The following WWOX variants were observed in gnomAD, a reference collection of about 807,000 sequenced individuals.
WWOX encodes WW domain-containing oxidoreductase.
Under a neutral mutation model 46.2 loss-of-function variants are expected in WWOX, and 69 were observed. That is an observed-to-expected ratio of 1.49 (90% CI 1.23 to 1.82). The LOEUF (loss-of-function observed/expected upper bound fraction) is 1.82, where lower values mean the gene tolerates loss of function less well. WWOX is among the 40% of genes most tolerant of loss of function. The probability of loss-of-function intolerance (pLI) is 0.00; values close to 1 mark genes in which losing one functional copy is unlikely to be tolerated. For synonymous variants in WWOX, 359 were observed against 202.6 expected (o/e 1.77, Z -6.56); for missense variants, 919 against 542.6 (o/e 1.69, Z -6.89).
In WWOX at chr16:78,550,364, G is replaced by A. The variant is rs548270879; in HGVS notation, c.1056+117612G>A. 2.7e-4 allele frequency among the ~76,000 whole-genome samples: 41 copies of A among 152,286 alleles called. 1 individual carries two copies. The highest frequency in any genetic ancestry group is 9.6e-4 in the African/African-American group (40 of 41,574). ...CCTATCACAACTACTAAGCTATCAT[G>A]CATTAGTGAAAGCACATAGATAATC... On this transcript the variant is annotated intron_variant, in intron 8 of 8. Transcript: ENST00000566780.
At chr16:78,738,389 T>G (rs1276097624) in intron 8 of WWOX, among the ~76,000 whole-genome samples, 2 of 152,184 alleles carry the variant, frequency 1.3e-5, no homozygotes, top group African/African-American at 4.8e-5. Flanking sequence ...CATTTGAAGA[T>G]TCTCCCTGTG....
At chr16:78,412,324 A>G (rs2151950725) in intron 6 of WWOX, among the ~76,000 whole-genome samples, 1 of 152,282 alleles carries the variant, frequency 6.6e-6, no homozygotes, top group Middle Eastern at 3.4e-3. Flanking sequence ...GTTTAGATTT[A>G]GGCATGTTGA....
At chr16:78,278,735 A>G (rs2079625553) in intron 5 of WWOX, 2 of 1,357,424 alleles carry the variant, frequency 1.5e-6, no homozygotes, top group African/African-American at 1.5e-5. Flanking sequence ...TGGTCTTTTC[A>G]TGTTTTGACT....
chr16:78,424,615 C>A (rs1170465160), intron 6 of WWOX, among the ~76,000 whole-genome samples: 1 of 152,164 alleles, frequency 6.6e-6, no homozygotes, highest in African/African-American at 2.4e-5. Flanking sequence ...ACTGAAAGTT[C>A]CGTATCCTAA....
intron 4 of WWOX, among the ~76,000 whole-genome samples, chr16:78,140,552 A>G (rs2151706812): frequency 6.6e-6 from 1 of 152,178 alleles, no homozygotes; most frequent in Admixed American, 6.5e-5. Context: ...TGGTAGCCCT[A>G]GATGTTCATT....
intron 8 of WWOX, among the ~76,000 whole-genome samples, chr16:78,561,024 A>AG (rs1374493553): frequency 6.6e-5 from 10 of 152,208 alleles, no homozygotes; most frequent in African/African-American, 2.4e-4. Context: ...TGTCCGCTGG[A>AG]GGAACATCCT....
chr16:78,947,706 C>A (rs1372607015), intron 8 of WWOX, among the ~76,000 whole-genome samples: 1 of 152,130 alleles, frequency 6.6e-6, no homozygotes, highest in Non-Finnish European at 1.5e-5. Flanking sequence ...TCACTTAGCC[C>A]CTTCAGAAAA....
chr16:78,749,489 A>G (rs188994412), intron 8 of WWOX, among the ~76,000 whole-genome samples: 1 of 152,334 alleles, frequency 6.6e-6, no homozygotes, highest in East Asian at 1.9e-4. Flanking sequence ...ATATTAAATC[A>G]TAATGAAGCA....
At chr16:79,013,054 G>A (rs971785410) in intron 8 of WWOX, among the ~76,000 whole-genome samples, 1 of 152,196 alleles carries the variant, frequency 6.6e-6, no homozygotes, top group African/African-American at 2.4e-5. Flanking sequence ...GAGCAACAGA[G>A]CAAGACTCCG....
intron 8 of WWOX, among the ~76,000 whole-genome samples, chr16:79,015,910 A>C (rs1316108566): frequency 6.6e-6 from 1 of 152,004 alleles, no homozygotes; most frequent in Non-Finnish European, 1.5e-5. Flanking sequence ...GCCACCACTC[A>C]CAGCTAATTT....
chr16:78,950,048 G>T (rs2046027266), intron 8 of WWOX, among the ~76,000 whole-genome samples: 1 of 152,182 alleles, frequency 6.6e-6, no homozygotes, highest in Admixed American at 6.5e-5. Flanking sequence ...TCTAGGTCTA[G>T]TCTGCCATTT....
chr16:78,361,401 A>G (rs2081407452), intron 5 of WWOX, among the ~76,000 whole-genome samples: 1 of 152,092 alleles, frequency 6.6e-6, no homozygotes, highest in African/African-American at 2.4e-5. Context: ...GAAATTCATA[A>G]TTATTTGAAG....
intron 8 of WWOX, among the ~76,000 whole-genome samples, chr16:78,687,725 C>CTAA (rs1243247529): frequency 6.6e-6 from 1 of 152,182 alleles, no homozygotes; most frequent in African/African-American, 2.4e-5. Flanking sequence ...CATTTTTAGG[C>CTAA]ATTATGTTAT....
At chr16:78,883,876 AATTT>A (rs2044395906) in intron 8 of WWOX, among the ~76,000 whole-genome samples, 1 of 152,166 alleles carries the variant, frequency 6.6e-6, no homozygotes, top group African/African-American at 2.4e-5. Context: ...CTAAAAAGAT[AATTT>A]AAAGGGAAAG....
At chr16:78,722,826 A>G (rs1490432738) in intron 8 of WWOX, among the ~76,000 whole-genome samples, 1 of 150,930 alleles carries the variant, frequency 6.6e-6, no homozygotes, top group East Asian at 2.0e-4. Context: ...GGATTGCTTG[A>G]GCCCAGTAGT....
Position 79,120,594 on chromosome 16 carries a change from C to T in WWOX, c.1057-91014C>T, listed in dbSNP as rs145629231. ...TTTGCTCACGGTGTTGGAGCCCAGACGTCTGAAATTGACACTGCTTCTGGG... is the reference window on the plus strand; with the variant it reads ...TTTGCTCACGGTGTTGGAGCCCAGATGTCTGAAATTGACACTGCTTCTGGG... On this transcript the variant is annotated intron_variant, in intron 8 of 8. Coordinates refer to ENST00000566780, the MANE Select transcript of WWOX (RefSeq NM_016373.4). Among the ~76,000 whole-genome samples, 1,211 of 152,260 alleles carry T rather than the reference C, an allele frequency of 8.0e-3. 8 individuals carry two copies. The highest frequency in any genetic ancestry group is 0.014 in the Non-Finnish European group (962 of 68,014).
intron 8 of WWOX, among the ~76,000 whole-genome samples, chr16:78,752,077 G>T (rs1181856439): frequency 6.6e-6 from 1 of 152,126 alleles, no homozygotes; most frequent in Non-Finnish European, 1.5e-5. Flanking sequence ...TCTAACATTG[G>T]TAAAACTTTG....
intron 8 of WWOX, among the ~76,000 whole-genome samples, chr16:78,698,343 AT>A (rs2048143572): frequency 6.6e-6 from 1 of 152,164 alleles, no homozygotes; most frequent in Non-Finnish European, 1.5e-5. Flanking sequence ...GGTTAATGGG[AT>A]TTTTGGGGTA....
chr16:78,593,251 G>C (rs539504110), intron 8 of WWOX, among the ~76,000 whole-genome samples: 3 of 151,888 alleles, frequency 2.0e-5, no homozygotes, highest in Admixed American at 6.6e-5. Flanking sequence ...ATATTGCCCA[G>C]ACTGGTCTTA....
Sources: allele counts gnomAD v4.1 joint callset (sites outside exome capture counted in the v4.1 genomes callset), GRCh38; gene constraint gnomAD v4.1.1; transcripts MANE v1.5; gene names NCBI Gene and HGNC (gene_info 2026-07-23, HGNC 2026-07-21).